The following IFT140 variants were observed in gnomAD, a reference collection of about 807,000 sequenced individuals.
The protein encoded by IFT140 is intraflagellar transport 140.
IFT140 carries 133 observed loss-of-function variants against 164.6 expected under a neutral mutation model. The observed-to-expected ratio is 0.81, with a 90% confidence interval of 0.70 to 0.93. The LOEUF is 0.93. Among genes scored for constraint, IFT140 ranks in the 40% least tolerant of loss-of-function variants. IFT140 has a pLI of 0.00. For missense variants in IFT140, 2,045 were observed against 1,972.3 expected, an observed-to-expected ratio of 1.04 and a Z score of -0.70; for synonymous variants, 860 against 817.3, an observed-to-expected ratio of 1.05 and a Z score of -0.89.
chr16:1,524,874 G>T lies in IFT140; in HGVS notation c.2907C>A (p.Gly969=), dbSNP rs1157630610. Residue 969 remains glycine (G), a synonymous_variant, in exon 23 of 31, where the codon GGC becomes GGA. Coordinates refer to ENST00000426508, the MANE Select transcript of IFT140 (RefSeq NM_014714.4). The stretch of plus-strand genomic sequence containing the variant: ...AGTAGTGCAGCGCGGCGTCCATCTC[G>T]CCCTGGCTCTCCAGGTACTGCGCCC... ...RWWAQYLESQ[G]EMDAALHYYE... The T allele has an allele frequency of 4.3e-6, 7 of 1,612,268 alleles. No homozygotes were observed. The highest frequency in any genetic ancestry group is 1.3e-5 in the African/African-American group (1 of 75,000).
At position 1,591,770 on chromosome 16, in the gene IFT140, T is replaced by C. The variant is rs11865736; in HGVS notation, c.634+406A>G. On this transcript the variant is annotated intron_variant, in intron 6 of 30. Coordinates refer to ENST00000426508, the MANE Select transcript of IFT140 (RefSeq NM_014714.4). ...GCTGGAGTGAAACCCCCTGCCCTGC[T>C]CACACCTCATTCCCACACCCTAGCC... Among the ~76,000 whole-genome samples, 373 of 152,266 alleles carry C rather than the reference T, an allele frequency of 2.4e-3. 1 individual carries two copies. Among genetic ancestry groups the C allele is most frequent in the African/African-American group, 8.6e-3 (357 of 41,538 alleles).
intron 4 of IFT140, 21 bp downstream of exon 4, chr16:1,602,349 G>A (rs763564872): frequency 2.1e-5 from 33 of 1,603,380 alleles, no homozygotes; most frequent in African/African-American, 2.7e-5. Context: ...TGAAAACAGC[G>A]TCTTGCGCGT....
At chr16:1,544,774 G>A (rs535825468) in intron 19 of IFT140, among the ~76,000 whole-genome samples, 2 of 151,180 alleles carry the variant, frequency 1.3e-5, no homozygotes. Context: ...TCAGCCTCCC[G>A]AGTAGCTGGG....
chr16:1,520,638 G>T lies in IFT140; in HGVS notation c.3624C>A (p.Ala1208=). The T allele has an allele frequency of 6.3e-7, 1 of 1,599,078 alleles. No homozygotes were observed. The highest frequency in any genetic ancestry group is 2.3e-5 in the East Asian group (1 of 44,328). ...CCMRQGSYHL[A]TKKYTQAGNK... The stretch of plus-strand genomic sequence containing the variant: ...TGCCGGCCTGCGTGTACTTCTTGGT[G>T]GCCAGGTGGTAGCTGCCCTGGCGCA... Residue 1208 remains alanine, a synonymous_variant, in exon 27 of 31, where the codon GCC becomes GCA. Transcript: ENST00000426508.
rs775156902 is a variant in IFT140 at position 1,566,190 on chromosome 16, C to T, written c.1872G>A (p.Thr624=). The stretch of plus-strand genomic sequence containing the variant: ...TAGTCTCTTGCTCATTAAAGGACAG[C>T]GTCTCTCTCCGATCAATTTGTCCAG... ...FKTGQIDRRE[T]LSFNEQETNK... Residue 624 remains threonine, a synonymous_variant, in exon 16 of 31, where the codon ACG becomes ACA. Coordinates refer to ENST00000426508, the MANE Select transcript of IFT140 (RefSeq NM_014714.4). 2.2e-5 allele frequency: 36 copies of T among 1,613,594 alleles called. No individual in the cohort carries two copies. The highest frequency in any genetic ancestry group is 8.9e-5 in the East Asian group (4 of 44,884).
At position 1,524,343 on chromosome 16, in the gene IFT140, C is replaced by T; in HGVS notation, c.3141+209G>A. On this transcript the variant is annotated intron_variant, in intron 24 of 30. Transcript: ENST00000426508. ...CTGGAGCCTGGGAAACATCTGGGGA[C>T]AATTCAGTGCTTTGCAAACAATGTC... 9.2e-6 allele frequency: 6 copies of T among 652,428 alleles called. No homozygotes were observed. In the East Asian group the frequency reaches 1.8e-4, roughly 20 times the overall value. 40.4% of individuals were successfully genotyped at this position (652,428 alleles called of 1,614,324 possible).
chr16:1,562,196 C>A, intron 17 of IFT140, 80 bp from the exon 18 acceptor site: 2 of 1,301,778 alleles, frequency 1.5e-6, no homozygotes, highest in Admixed American at 2.4e-5. Context: ...CATTTTGCTA[C>A]ACACACTGCG....
At chr16:1,540,909 G>C in intron 19 of IFT140, 1 of 985,452 alleles carries the variant, frequency 1.0e-6, no homozygotes, top group South Asian at 4.7e-5. Context: ...TCCAGGCTGA[G>C]TGTCTGTCAG....
At chr16:1,604,199 C>G (rs2142060785) in intron 3 of IFT140, among the ~76,000 whole-genome samples, 1 of 151,996 alleles carries the variant, frequency 6.6e-6, no homozygotes, top group African/African-American at 2.4e-5. Context: ...ACGGCCTTCG[C>G]AAAGCTGCCA....
intron 19 of IFT140, chr16:1,541,907 C>T (rs2031681677): frequency 6.3e-7 from 1 of 1,580,124 alleles, no homozygotes; most frequent in African/African-American, 1.3e-5. Flanking sequence ...TGCCTCTCTG[C>T]TCTTGGCCCA....
At chr16:1,548,047 T>C (rs1426094246) in intron 19 of IFT140, among the ~76,000 whole-genome samples, 2 of 152,192 alleles carry the variant, frequency 1.3e-5, no homozygotes, top group African/African-American at 4.8e-5. Flanking sequence ...CTTCGTCTCT[T>C]CTTTCCCTTC....
rs1321089981 is a variant in IFT140, at chr16:1,571,500, G to A, written c.1559C>T (p.Thr520Ile). 8.7e-6 allele frequency: 14 copies of A among 1,614,016 alleles called. No homozygotes were observed. In the Middle Eastern group the frequency reaches 4.9e-4, roughly 57 times the overall value. Reference protein sequence around the residue: ...TVKQLLLFSETEGNPCFLDIC... With the variant: ...TVKQLLLFSEIEGNPCFLDIC... Reference sequence around the variant, plus strand: ...GTCCAAGAAGCAGGGATTCCCCTCAGTCTCCGAGAAAAGGAGGAGTTGTTT... The same window carrying A: ...GTCCAAGAAGCAGGGATTCCCCTCAATCTCCGAGAAAAGGAGGAGTTGTTT... Residue 520 changes from threonine (T) to isoleucine (I), a missense_variant, in exon 14 of 31, where the codon ACT becomes ATT. Physicochemically the swap from Thr to Ile is moderately conservative, Grantham distance 89. Transcript: ENST00000426508.
chr16:1,519,380 G>T (rs909407932), intron 29 of IFT140, among the ~76,000 whole-genome samples: 14 of 152,280 alleles, frequency 9.2e-5, no homozygotes, highest in African/African-American at 3.4e-4. Flanking sequence ...AAGATGGGGA[G>T]GTGTTCAAAT....
rs1216952278 is a variant in IFT140, at chr16:1,520,713, C to G, written c.3549G>C (p.Leu1183=). The G allele has an allele frequency of 4.3e-6, 7 of 1,612,110 alleles. No individual in the cohort carries two copies. The highest frequency in any genetic ancestry group is 5.9e-6 in the Non-Finnish European group (7 of 1,179,810). ...GCAGCTCCCGCCGCGACTCCTCAGGCAGGTCCGAGGAGTCCTTGGCCACGG... is the reference window on the plus strand; with the variant it reads ...GCAGCTCCCGCCGCGACTCCTCAGGGAGGTCCGAGGAGTCCTTGGCCACGG... ...KMTVAKDSSD[L]PEESRRELLE... Residue 1183 remains leucine (L), a synonymous_variant, in exon 27 of 31, where the codon CTG becomes CTC. Coordinates refer to ENST00000426508, the MANE Select transcript of IFT140 (RefSeq NM_014714.4).
chr16:1,589,082 T>C (rs2035045151), intron 7 of IFT140, among the ~76,000 whole-genome samples: 1 of 152,232 alleles, frequency 6.6e-6, no homozygotes, highest in African/African-American at 2.4e-5. Flanking sequence ...TCCCTGTGAC[T>C]AGTGCCCATG....
rs2033836650 is a variant in IFT140 at position 1,568,330 on chromosome 16, CCT to C, written c.1655_1656del (p.Glu552GlyfsTer6). 1 of 1,613,366 alleles carries C rather than the reference CCT, an allele frequency of 6.2e-7. No homozygotes were observed. Among genetic ancestry groups the C allele is most frequent in the Non-Finnish European group, 8.5e-7 (1 of 1,179,778 alleles). The stretch of plus-strand genomic sequence containing the variant: ...CTCCTGCAGCTACAGTGTGCTTTGG[CCT>C]CTCTGCAGGGAGGAAGAGGGACCTC... The part of the protein sequence containing the change: ...HFKSFDLSRR[E>X]AKAHCSCRSL... On this transcript the variant is annotated frameshift_variant and splice_region_variant, in exon 15 of 31. Transcript: ENST00000426508. LOFTEE classifies it high-confidence loss of function.
chr16:1,528,356 CGTGT>C (rs1353779851), intron 19 of IFT140, among the ~76,000 whole-genome samples: 1 of 132,004 alleles, frequency 7.6e-6, no homozygotes, highest in Non-Finnish European at 1.7e-5. Context: ...CATGCACGCA[CGTGT>C]GCACACACAC....
intron 11 of IFT140, 83 bp from the exon 12 acceptor site, chr16:1,583,469 T>A: frequency 9.2e-7 from 1 of 1,081,428 alleles, no homozygotes; most frequent in South Asian, 1.4e-5. Context: ...CTCGAAAGCC[T>A]CCTCTAAACA....
intron 12 of IFT140, among the ~76,000 whole-genome samples, chr16:1,582,119 G>C (rs917916429): frequency 1.3e-5 from 2 of 152,164 alleles, no homozygotes; most frequent in African/African-American, 4.8e-5. Context: ...GCACATCCTG[G>C]TGGCGGGGCC....
Sources: gnomAD v4.1 joint callset for allele counts (sites outside exome capture counted in the v4.1 genomes callset) on GRCh38, gnomAD v4.1.1 for gene constraint, MANE v1.5 for transcripts, NCBI Gene and HGNC (gene_info 2026-07-23, HGNC 2026-07-21) for gene names.